The following MRPL21 variants were observed in gnomAD, a reference collection of about 807,000 sequenced individuals.
The protein encoded by MRPL21 is mitochondrial ribosomal protein L21.
In MRPL21, 20 loss-of-function variants were observed where a neutral mutation model predicts 27.3. That is an observed-to-expected ratio of 0.73 (90% CI 0.52 to 1.06). The LOEUF is 1.06. Among genes scored for constraint, MRPL21 ranks in the 50% least tolerant of loss-of-function variants. The pLI, the probability that MRPL21 is intolerant of heterozygous loss-of-function variation, is 0.00. For synonymous variants in MRPL21, 98 were observed against 101.5 expected (o/e 0.97, Z 0.21); for missense variants, 249 against 251.4 (o/e 0.99, Z 0.06).
At chr11:68,894,598 G>C (rs559720204) in intron 4 of MRPL21, among the ~76,000 whole-genome samples, 1 of 152,256 alleles carries the variant, frequency 6.6e-6, no homozygotes, top group East Asian at 1.9e-4. Context: ...GTTTTTATTA[G>C]ATGTTGGAGA....
intron 2 of MRPL21, 57 bp from the exon 3 acceptor site, chr11:68,898,069 C>A: frequency 7.1e-7 from 1 of 1,408,700 alleles, no homozygotes; most frequent in Non-Finnish European, 1.0e-6. Flanking sequence ...CAGCTCAAAT[C>A]CTCTAAGAAA....
chr11:68,896,743 T>C, intron 3 of MRPL21, 65 bp from the exon 4 acceptor site: 1 of 1,589,360 alleles, frequency 6.3e-7, no homozygotes, highest in Admixed American at 1.7e-5. Context: ...TGCAGTGTGA[T>C]GTGCAGCTCC....
chr11:68,902,101 A>G (rs1857953408), intron 1 of MRPL21, among the ~76,000 whole-genome samples: 1 of 152,220 alleles, frequency 6.6e-6, no homozygotes, highest in Admixed American at 6.5e-5. Context: ...AGGTAGTCCT[A>G]GAGACTGTGA....
chr11:68,894,142 T>C (rs1416061393), intron 4 of MRPL21, among the ~76,000 whole-genome samples: 1 of 152,202 alleles, frequency 6.6e-6, no homozygotes, highest in African/African-American at 2.4e-5. Flanking sequence ...TCTACTAATA[T>C]TGCAATGATT....
intron 6 of MRPL21, 196 bp from the exon 7 acceptor site, chr11:68,891,591 G>T: frequency 1.6e-6 from 1 of 625,356 alleles, no homozygotes; most frequent in South Asian, 1.8e-5. Flanking sequence ...AGGTGCAGAG[G>T]CTGGGACACC....
At chr11:68,897,418 G>A (rs571493682) in intron 3 of MRPL21, among the ~76,000 whole-genome samples, 2 of 152,326 alleles carry the variant, frequency 1.3e-5, no homozygotes, top group Non-Finnish European at 2.9e-5. Context: ...TCACTCGCAC[G>A]GAATCTCAAA....
At chr11:68,900,716 G>T in intron 1 of MRPL21, 111 bp from the exon 2 acceptor site, 1 of 924,058 alleles carries the variant, frequency 1.1e-6, no homozygotes, top group Non-Finnish European at 1.8e-6. Flanking sequence ...ATGAACCACT[G>T]CATGACAGCC....
intron 1 of MRPL21, among the ~76,000 whole-genome samples, chr11:68,902,336 T>A (rs942333758): frequency 6.6e-6 from 1 of 152,208 alleles, no homozygotes. Context: ...CTAAGTTTTA[T>A]TATGGAAAAT....
rs185576257 is a variant in MRPL21 at position 68,894,582 on chromosome 11, T to C, written c.397-1127A>G. ...CAGGCGTGAGCCACCACGCACGGCC[T>C]ACAGTGTTTTTATTAGATGTTGGAG... On this transcript the variant is annotated intron_variant, in intron 4 of 6. Coordinates refer to ENST00000362034, the MANE Select transcript of MRPL21 (RefSeq NM_181514.2). 2.0e-3 allele frequency among the ~76,000 whole-genome samples: 307 copies of C among 152,326 alleles called. 2 individuals carry two copies. Among genetic ancestry groups the C allele is most frequent in the African/African-American group, 7.0e-3 (293 of 41,582 alleles).
At chr11:68,901,211 C>T (rs1857926902) in intron 1 of MRPL21, among the ~76,000 whole-genome samples, 1 of 152,326 alleles carries the variant, frequency 6.6e-6, no homozygotes, top group South Asian at 2.1e-4. Flanking sequence ...CAGCCGCTGG[C>T]GCAGTGGAGT....
chr11:68,892,011 G>T, intron 6 of MRPL21: 3 of 1,104,572 alleles, frequency 2.7e-6, no homozygotes, highest in Non-Finnish European at 3.6e-6. Context: ...TTTGGGGACA[G>T]TGCTAGGCGT....
rs1414978411 is a variant in MRPL21, at chr11:68,891,840, C to T, written c.554-445G>A. ...CACTGTTGGTGGTTTAGGCCGGCAA[C>T]TGCAGTTATAGCAAGAGCTGTGAGG... On this transcript the variant is annotated intron_variant, in intron 6 of 6. Transcript: ENST00000362034. 1.9e-5 allele frequency: 9 copies of T among 473,880 alleles called. No homozygotes were observed. In the East Asian group the frequency reaches 2.7e-4, roughly 14 times the overall value. 29.4% of individuals were successfully genotyped at this position (473,880 alleles called of 1,614,324 possible).
At chr11:68,899,043 C>T (rs1478324370) in intron 2 of MRPL21, among the ~76,000 whole-genome samples, 1 of 152,170 alleles carries the variant, frequency 6.6e-6, no homozygotes, top group Non-Finnish European at 1.5e-5. Flanking sequence ...CCACCTCGGC[C>T]TCCCAAAATT....
chr11:68,891,941 G>T, intron 6 of MRPL21: 1 of 602,500 alleles, frequency 1.7e-6, no homozygotes, highest in Non-Finnish European at 2.6e-6. Flanking sequence ...CACTATGGGG[G>T]ATGTCCTCAG....
chr11:68,897,739 G>A (rs915560568), intron 3 of MRPL21, 188 bp downstream of exon 3: 7 of 598,222 alleles, frequency 1.2e-5, no homozygotes, highest in Non-Finnish European at 2.1e-5. Context: ...TCAAGGAGTA[G>A]TTAATGAAAA....
chr11:68,900,027 C>T (rs1857894819), intron 2 of MRPL21, among the ~76,000 whole-genome samples: 1 of 152,204 alleles, frequency 6.6e-6, no homozygotes, highest in African/African-American at 2.4e-5. Flanking sequence ...CTGCACTGCT[C>T]CTGTGTCTCC....
chr11:68,899,515 T>C (rs1266710077), intron 2 of MRPL21, among the ~76,000 whole-genome samples: 1 of 152,176 alleles, frequency 6.6e-6, no homozygotes, highest in Non-Finnish European at 1.5e-5. Flanking sequence ...TGATCTGTGG[T>C]TGGTCAATGA....
At chr11:68,903,498 T>C (rs1391660001) in intron 1 of MRPL21, among the ~76,000 whole-genome samples, 5 of 152,204 alleles carry the variant, frequency 3.3e-5, no homozygotes, top group Non-Finnish European at 5.9e-5. Context: ...CCCCATAACA[T>C]AGGGCCTATA....
rs749192845 is a variant in MRPL21 at position 68,900,501 on chromosome 11, T to C, written c.146+47A>G. 1.7e-5 allele frequency: 26 copies of C among 1,544,056 alleles called. No individual in the cohort carries two copies. The African/African-American group carries it at 3.6e-4, about 21-fold the overall frequency. On this transcript the variant is annotated intron_variant, in intron 2 of 6. Transcript: ENST00000362034. ...AGTTTTGACTTTAGAAAGATGGTTC[T>C]ACAAATGAAAGGAAAAGAGGCACCA... is the stretch of plus-strand genomic sequence containing the variant.
Sources: allele counts gnomAD v4.1 joint callset (sites outside exome capture counted in the v4.1 genomes callset), GRCh38; gene constraint gnomAD v4.1.1; transcripts MANE v1.5; gene names NCBI Gene and HGNC (gene_info 2026-07-23, HGNC 2026-07-21).